Variants in HP1BP3 observed in about 807,000 individuals in gnomAD.
The protein encoded by HP1BP3 is heterochromatin protein 1 binding protein 3, also known as heterochromatin protein 1-binding protein 3.
A neutral mutation model predicts 62.5 loss-of-function variants in HP1BP3; 12 were observed. That is an observed-to-expected ratio of 0.19 (90% CI 0.12 to 0.31). The LOEUF is 0.31. Among genes scored for constraint, HP1BP3 ranks in the 10% least tolerant of loss-of-function variants. The pLI is 1.00. For synonymous variants in HP1BP3, 260 were observed against 237.8 expected (o/e 1.09, Z -0.86); for missense variants, 502 against 651.8 (o/e 0.77, Z 2.50).
intron 10 of HP1BP3, among the ~76,000 whole-genome samples, chr1:20,748,637 G>A (rs2154539632): frequency 6.6e-6 from 1 of 152,264 alleles, no homozygotes; most frequent in South Asian, 2.1e-4. Context: ...GCAGGTGCCT[G>A]TAGTCCCAGC....
intron 8 of HP1BP3, among the ~76,000 whole-genome samples, chr1:20,760,733 G>A (rs889939771): frequency 6.6e-6 from 1 of 152,170 alleles, no homozygotes; most frequent in South Asian, 2.1e-4. Flanking sequence ...CTACTCGGGA[G>A]GCTGAGACAG....
At chr1:20,770,859 A>G in intron 6 of HP1BP3, 71 bp downstream of exon 6, 1 of 1,190,174 alleles carries the variant, frequency 8.4e-7, no homozygotes, top group Non-Finnish European at 1.2e-6. Flanking sequence ...CAAAAAGCCT[A>G]AATGTTACTA....
intron 11 of HP1BP3, among the ~76,000 whole-genome samples, chr1:20,747,318 G>A (rs1263185130): frequency 6.6e-6 from 1 of 151,876 alleles, no homozygotes; most frequent in Non-Finnish European, 1.5e-5. Context: ...CACAGGATGC[G>A]AAGCCTGCAT....
chr1:20,784,444 G>A (rs370007009), intron 1 of HP1BP3, among the ~76,000 whole-genome samples: 1 of 151,028 alleles, frequency 6.6e-6, no homozygotes, highest in Non-Finnish European at 1.5e-5. Context: ...TTAAACTAAA[G>A]GATGAACAAA....
chr1:20,776,779 A>T (rs752486399), intron 3 of HP1BP3, 29 bp from the exon 4 acceptor site: 1 of 1,595,064 alleles, frequency 6.3e-7, no homozygotes, highest in Admixed American at 1.8e-5. Context: ...AGAATTGCAT[A>T]AGCAGATGTA....
intron 3 of HP1BP3, among the ~76,000 whole-genome samples, chr1:20,777,390 T>C (rs2057350492): frequency 6.6e-6 from 1 of 152,176 alleles, no homozygotes; most frequent in African/African-American, 2.4e-5. Context: ...ATTTAAATTA[T>C]GTGAACTAAT....
rs939057092 is a variant in HP1BP3 at position 20,775,842 on chromosome 1, T to G, written c.350+755A>C. ...ATGTAGTAGGCTGTACCACGTAGGT[T>G]TGTGTAAGTACACTTTATGATGTTG... is the stretch of plus-strand genomic sequence containing the variant. On this transcript the variant is annotated intron_variant, in intron 4 of 12. Transcript: ENST00000438032. 4.2e-5 allele frequency: 42 copies of G among 1,000,196 alleles called. 1 individual carries two copies. The East Asian group carries it at 1.1e-3, about 26-fold the overall frequency. 62.0% of individuals were successfully genotyped at this position (1,000,196 alleles called of 1,614,324 possible).
chr1:20,785,755 G>A (rs1037394123), intron 1 of HP1BP3, among the ~76,000 whole-genome samples: 1 of 152,116 alleles, frequency 6.6e-6, no homozygotes, highest in Non-Finnish European at 1.5e-5. Flanking sequence ...TAAAAACAAA[G>A]CCAAAACCAA....
At chr1:20,777,833 C>T (rs527743589) in intron 3 of HP1BP3, among the ~76,000 whole-genome samples, 4 of 152,206 alleles carry the variant, frequency 2.6e-5, no homozygotes, top group Non-Finnish European at 4.4e-5. Context: ...TTATACTAAG[C>T]GAGTGATTTC....
chr1:20,772,840 T>C (rs1458201677), intron 5 of HP1BP3, among the ~76,000 whole-genome samples: 2 of 152,190 alleles, frequency 1.3e-5, no homozygotes, highest in African/African-American at 2.4e-5. Context: ...AAAATTAAAA[T>C]AGGAAAACTA....
rs938050561 is a variant in HP1BP3, at chr1:20,742,214, A to C, written c.*2583T>G. Among the ~76,000 whole-genome samples the C allele has an allele frequency of 6.6e-6, 1 of 152,196 alleles. No homozygotes were observed. Among genetic ancestry groups the C allele is most frequent in the African/African-American group, 2.4e-5 (1 of 41,438 alleles). ...AAAATCTCCCAACTTTTGATTCCAG[A>C]AGAGTACAGAATTCTGAGCACAGGT... On this transcript the variant is annotated 3_prime_UTR_variant, in exon 13 of 13. Coordinates refer to ENST00000438032, the MANE Select transcript of HP1BP3 (RefSeq NM_001372052.1).
At chr1:20,757,110 C>T (rs2056161341) in intron 9 of HP1BP3, 56 bp downstream of exon 9, 1 of 1,217,554 alleles carries the variant, frequency 8.2e-7, no homozygotes, top group Admixed American at 2.0e-5. Context: ...TAAGGAGGTC[C>T]TGAAACCAAA....
rs141760621 is a variant in HP1BP3 at position 20,775,828 on chromosome 1, T to C, written c.350+769A>G. On this transcript the variant is annotated intron_variant, in intron 4 of 12. Transcript: ENST00000438032. ...CATAAAGCCTAGGTATGTAGTAGGC[T>C]GTACCACGTAGGTTTGTGTAAGTAC... is the stretch of plus-strand genomic sequence containing the variant. 145 of 810,428 alleles carry C rather than the reference T, an allele frequency of 1.8e-4. No individual in the cohort carries two copies. In the African/African-American group the frequency reaches 2.1e-3, roughly 12 times the overall value. 50.2% of individuals were successfully genotyped at this position (810,428 alleles called of 1,614,324 possible). A position where few individuals can be genotyped will look rare whatever the true frequency, so the allele number is the denominator to read the frequency against.
In HP1BP3 at chr1:20,747,642, T is replaced by C. The variant is rs763079764; in HGVS notation, c.1155A>G (p.Lys385=). The C allele has an allele frequency of 5.0e-6, 8 of 1,612,056 alleles. No homozygotes were observed. In the African/African-American group the frequency reaches 5.3e-5, roughly 11 times the overall value. The stretch of plus-strand genomic sequence containing the variant: ...TCTTTTCGCATTTCTGCAGGGTTTT[T>C]TTCAGCAAATGCACTGAAAAAAAAA... ...TNSNYQMHLL[K]KTLQKCEKNG... The change falls in exon 11 of 13, where the codon AAA becomes AAG. Residue 385 remains lysine, a synonymous_variant. Transcript: ENST00000438032.
chr1:20,776,203 C>T (rs1374624554), intron 4 of HP1BP3: 7 of 480,250 alleles, frequency 1.5e-5, no homozygotes, highest in Non-Finnish European at 2.1e-5. Context: ...CATAAGCACA[C>T]AAAAACAACC....
intron 1 of HP1BP3, among the ~76,000 whole-genome samples, 199 bp from the exon 2 acceptor site, chr1:20,780,739 C>T (rs898432875): frequency 6.6e-6 from 1 of 152,006 alleles, no homozygotes; most frequent in Non-Finnish European, 1.5e-5. Flanking sequence ...ATGCATAAGC[C>T]ACGGCAGCTG....
At chr1:20,747,726 G>A in intron 10 of HP1BP3, 71 bp from the exon 11 acceptor site, 2 of 858,832 alleles carry the variant, frequency 2.3e-6, no homozygotes, top group Admixed American at 4.3e-5. Flanking sequence ...ACCACAAACA[G>A]ATGCCCATCA....
At position 20,744,952 on chromosome 1, in the gene HP1BP3, T is replaced by C; in HGVS notation, c.1507A>G (p.Lys503Glu). 1 of 1,614,178 alleles carries C rather than the reference T, an allele frequency of 6.2e-7. No individual in the cohort carries two copies. Among genetic ancestry groups the C allele is most frequent in the Admixed American group, 1.7e-5 (1 of 60,028 alleles). The change falls in exon 13 of 13, where the codon AAA (lysine) becomes GAA (glutamate). Residue 503 changes from lysine (K) to glutamate (E), a missense_variant. Around this residue, in one of 5 missense-constraint regions of HP1BP3, gnomAD observed 194 missense variants for 207.0 expected, o/e 0.94. Transcript: ENST00000438032. ...PLPKKAPPKAKTPAKKTRPSS... is the reference protein window; with the variant it reads ...PLPKKAPPKAETPAKKTRPSS... ...GGTCTGGTCTTCTTGGCAGGCGTTT[T>C]GGCCTTAGGAGGTGCTTTCTTAGGC...
Position 20,744,847 on chromosome 1 carries a change from G to T in HP1BP3, c.1612C>A (p.Pro538Thr). 6.2e-7 allele frequency: 1 copy of T among 1,613,614 alleles called. No homozygotes were observed. The highest frequency in any genetic ancestry group is 8.5e-7 in the Non-Finnish European group (1 of 1,179,950). ...TTCATGGTGGATTTGCCCTTGCCCG[G>T]CAATTTTACTTCCTTTCTTGCACTG... Reference protein sequence around the residue: ...ATSARKEVKLPGKGKSTMKKS... With the variant: ...ATSARKEVKLTGKGKSTMKKS... Residue 538 changes from proline to threonine, a missense_variant, in exon 13 of 13, where the codon CCG becomes ACG. Coordinates refer to ENST00000438032, the MANE Select transcript of HP1BP3 (RefSeq NM_001372052.1).
Sources: gnomAD v4.1 joint callset for allele counts (sites outside exome capture counted in the v4.1 genomes callset) on GRCh38, gnomAD v4.1.1 for gene constraint, gnomAD v4.1.1 regional missense constraint, MANE v1.5 for transcripts, NCBI Gene and HGNC (gene_info 2026-07-23, HGNC 2026-07-21) for gene names.